GDPGP1: variants seen among roughly 807,000 people sequenced by gnomAD.
GDPGP1 encodes the protein GDP-D-glucose phosphorylase C15orf58.
In GDPGP1, 18 loss-of-function variants were observed where a neutral mutation model predicts 19.2. The observed-to-expected ratio is 0.94, with a 90% confidence interval of 0.65 to 1.39. The LOEUF (loss-of-function observed/expected upper bound fraction) is 1.39, where lower values mean the gene tolerates loss of function less well. Among genes scored for constraint, GDPGP1 ranks in the 40% most tolerant of loss-of-function variants. GDPGP1 has a pLI of 0.00. For synonymous variants in GDPGP1, 219 were observed against 208.9 expected, an observed-to-expected ratio of 1.05 and a Z score of -0.42; for missense variants, 449 against 490.5, an observed-to-expected ratio of 0.92 and a Z score of 0.80.
In GDPGP1 at chr15:90,240,696, C is replaced by T. The variant is rs186545082; in HGVS notation, c.-9-204C>T. 2.6e-4 allele frequency among the ~76,000 whole-genome samples: 39 copies of T among 152,002 alleles called. No individual in the cohort carries two copies. In the East Asian group the frequency reaches 6.4e-3, roughly 25 times the overall value. The stretch of plus-strand genomic sequence containing the variant: ...GGCATGGTGGTGCCTGCCTGTAACC[C>T]CAGCTGCCCAGGAGGCTGAGGCGGG... On this transcript the variant is annotated intron_variant, in intron 3 of 3. Coordinates refer to ENST00000329600, the MANE Select transcript of GDPGP1 (RefSeq NM_001013657.3).
At position 90,241,391 on chromosome 15, in the gene GDPGP1, C is replaced by T. The variant is rs1962753699; in HGVS notation, c.483C>T (p.Pro161=). 1.9e-6 allele frequency: 3 copies of T among 1,613,866 alleles called. No homozygotes were observed. The highest frequency in any genetic ancestry group is 1.7e-6 in the Non-Finnish European group (2 of 1,180,050). The change falls in exon 4 of 4, where the codon CCC becomes CCT. Residue 161 remains proline (P), a synonymous_variant. Transcript: ENST00000329600. The part of the protein sequence containing the change: ...EDILVVINVS[P]LEWGHVLLVP... ...TCCTGGTGGTGATCAACGTCAGCCCCCTGGAGTGGGGCCACGTGCTGCTGG... is the reference window on the plus strand; with the variant it reads ...TCCTGGTGGTGATCAACGTCAGCCCTCTGGAGTGGGGCCACGTGCTGCTGG...
At position 90,241,894 on chromosome 15, in the gene GDPGP1, A is replaced by T; in HGVS notation, c.986A>T (p.Asn329Ile). The T allele has an allele frequency of 6.2e-7, 1 of 1,614,090 alleles. No individual in the cohort carries two copies. Among genetic ancestry groups the T allele is most frequent in the African/African-American group, 1.3e-5 (1 of 75,010 alleles). ...GGGATAAAGGACGGTGAAGCTTTCA[A>T]TGTTGCCCTCTGTGAGCTGGCTGGG... ...SFGIKDGEAF[N>I]VALCELAGHL... Residue 329 changes from asparagine (N) to isoleucine (I), a missense_variant, in exon 4 of 4, where the codon AAT (asparagine) becomes ATT (isoleucine). Asn to Ile is a moderately radical substitution (Grantham distance 149). Transcript: ENST00000329600.
chr15:90,240,941 C>G lies in GDPGP1; in HGVS notation c.33C>G (p.Ser11=). The change falls in exon 4 of 4, where the codon TCC becomes TCG. Residue 11 remains serine, a synonymous_variant. Coordinates refer to ENST00000329600, the MANE Select transcript of GDPGP1 (RefSeq NM_001013657.3). MALPHDSNET[S]YLLPPNNEDW... is the part of the protein sequence containing the mutation. ...TTCCACATGATTCAAACGAAACTTC[C>G]TATTTGCTGCCTCCCAACAATGAGG... The G allele has an allele frequency of 1.2e-6, 2 of 1,614,000 alleles. No homozygotes were observed. Among genetic ancestry groups the G allele is most frequent in the South Asian group, 1.1e-5 (1 of 91,080 alleles).
chr15:90,237,067 T>C (rs1253965604), intron 2 of GDPGP1, among the ~76,000 whole-genome samples: 61 of 152,176 alleles, frequency 4.0e-4, no homozygotes, highest in East Asian at 3.9e-4. Flanking sequence ...CAAGCGATTC[T>C]CCTGCCTTAG....
At chr15:90,239,573 A>G (rs1234934918) in intron 3 of GDPGP1, among the ~76,000 whole-genome samples, 1 of 152,178 alleles carries the variant, frequency 6.6e-6, no homozygotes, top group African/African-American at 2.4e-5. Context: ...AGGAGAACTC[A>G]CTATCACGAG....
chr15:90,235,192 C>G (rs1461866991), intron 2 of GDPGP1, among the ~76,000 whole-genome samples: 5 of 152,150 alleles, frequency 3.3e-5, no homozygotes, highest in African/African-American at 1.2e-4. Context: ...CTACTTTACA[C>G]TGGAAGAATA....
intron 2 of GDPGP1, among the ~76,000 whole-genome samples, chr15:90,238,064 C>T (rs1033761276): frequency 6.6e-6 from 1 of 152,208 alleles, no homozygotes; most frequent in African/African-American, 2.4e-5. Flanking sequence ...CTTTGGGAGG[C>T]CAACGCAGGT....
Position 90,241,950 on chromosome 15 carries a change from A to G in GDPGP1, c.1042A>G (p.Ser348Gly). 6.2e-7 allele frequency: 1 copy of G among 1,614,206 alleles called. No individual in the cohort carries two copies. Among genetic ancestry groups the G allele is most frequent in the East Asian group, 2.2e-5 (1 of 44,890 alleles). The part of the protein sequence containing the change: ...HLPVKTSQDF[S>G]SLTEAAAVAL... Reference sequence around the variant, plus strand: ...CCCTGTCAAAACATCCCAGGACTTCAGCAGCCTGACAGAGGCAGCTGCTGT... The same window carrying G: ...CCCTGTCAAAACATCCCAGGACTTCGGCAGCCTGACAGAGGCAGCTGCTGT... The change falls in exon 4 of 4, where the codon AGC (serine) becomes GGC (glycine). Residue 348 changes from serine (S) to glycine (G), a missense_variant. Ser to Gly is a moderately conservative substitution (Grantham distance 56). Transcript: ENST00000329600.
rs1026310477 is a variant in GDPGP1 at position 90,245,339 on chromosome 15, G to A, written c.*3273G>A. 3 of 152,140 alleles carry A rather than the reference G, an allele frequency of 2.0e-5. No individual in the cohort carries two copies. Among genetic ancestry groups the A allele is most frequent in the African/African-American group, 7.2e-5 (3 of 41,488 alleles). The allele number at this position is 152,140 out of a possible 1,614,324, so 9.4% of individuals were successfully genotyped here. A position where few individuals can be genotyped will look rare whatever the true frequency, so the allele number is the denominator to read the frequency against. ...AAAACACAAAAATTAGCTGGGTGTG[G>A]GTGCACATCTATAGTCCCAGCTACT... On this transcript the variant is annotated 3_prime_UTR_variant, in exon 4 of 4. Coordinates refer to ENST00000329600, the MANE Select transcript of GDPGP1 (RefSeq NM_001013657.3).
At chr15:90,234,315 CT>C in intron 1 of GDPGP1, 23 bp downstream of exon 1, 1 of 164,068 alleles carries the variant, frequency 6.1e-6, no homozygotes, top group East Asian at 1.7e-4. Flanking sequence ...GGCGGCAGCC[CT>C]GGGTGGGGTC....
At chr15:90,237,533 G>A (rs762414005) in intron 2 of GDPGP1, among the ~76,000 whole-genome samples, 15 of 151,866 alleles carry the variant, frequency 9.9e-5, no homozygotes, top group Non-Finnish European at 1.9e-4. Flanking sequence ...ATTCACCTGC[G>A]TCAGCCTCCC....
rs764716501 is a variant in GDPGP1 at position 90,241,176 on chromosome 15, G to C, written c.268G>C (p.Gly90Arg). The C allele has an allele frequency of 1.2e-6, 2 of 1,614,192 alleles. No individual in the cohort carries two copies. The highest frequency in any genetic ancestry group is 1.3e-5 in the African/African-American group (1 of 75,050). ...GGAGCTACAGACCCAAATCCTCCCTGGTGCTGTGGGTTTCGTGGCTCAGCT... is the reference window on the plus strand; with the variant it reads ...GGAGCTACAGACCCAAATCCTCCCTCGTGCTGTGGGTTTCGTGGCTCAGCT... ...LRELQTQILP[G>R]AVGFVAQLNV... The change falls in exon 4 of 4, where the codon GGT becomes CGT. Residue 90 changes from glycine (G) to arginine (R), a missense_variant. Transcript: ENST00000329600.
At chr15:90,236,566 A>AC (rs1237549715) in intron 2 of GDPGP1, among the ~76,000 whole-genome samples, 1 of 151,798 alleles carries the variant, frequency 6.6e-6, no homozygotes, top group Non-Finnish European at 1.5e-5. Context: ...ATGGAGTCTC[A>AC]CTCTGTCACC....
chr15:90,237,101 G>A (rs1290975523), intron 2 of GDPGP1, among the ~76,000 whole-genome samples: 1 of 151,626 alleles, frequency 6.6e-6, no homozygotes, highest in Non-Finnish European at 1.5e-5. Flanking sequence ...TGAGATTACA[G>A]ACGCCCACTA....
chr15:90,241,597 T>G lies in GDPGP1; in HGVS notation c.689T>G (p.Val230Gly), dbSNP rs778730567. ...TATTACCTGGCCCACAGACTGCCCGTGGAGCAGGCGCCAAGCGAGCCCCTG... is the reference window on the plus strand; with the variant it reads ...TATTACCTGGCCCACAGACTGCCCGGGGAGCAGGCGCCAAGCGAGCCCCTG... ...HGYYLAHRLP[V>G]EQAPSEPLDP... is the part of the protein sequence containing the mutation. The change falls in exon 4 of 4, where the codon GTG becomes GGG. Residue 230 changes from valine (V) to glycine (G), a missense_variant. By Grantham distance (109) the Val-to-Gly change is moderately radical (BLOSUM62 -3). Coordinates refer to ENST00000329600, the MANE Select transcript of GDPGP1 (RefSeq NM_001013657.3). The G allele has an allele frequency of 6.2e-7, 1 of 1,613,794 alleles. No homozygotes were observed. The highest frequency in any genetic ancestry group is 8.5e-7 in the Non-Finnish European group (1 of 1,180,036).
Position 90,244,911 on chromosome 15 carries a change from G to A in GDPGP1, c.*2845G>A, listed in dbSNP as rs1350259223. On this transcript the variant is annotated 3_prime_UTR_variant, in exon 4 of 4. Coordinates refer to ENST00000329600, the MANE Select transcript of GDPGP1 (RefSeq NM_001013657.3). The stretch of plus-strand genomic sequence containing the variant: ...CATCAAACATCCTGAAGGAATGAGA[G>A]TCCCTGTTCACAGCGTAAGGGTGAA... 2 of 152,192 alleles carry A rather than the reference G, an allele frequency of 1.3e-5. No homozygotes were observed. Among genetic ancestry groups the A allele is most frequent in the African/African-American group, 4.8e-5 (2 of 41,432 alleles). The allele number at this position is 152,192 out of a possible 1,614,324, so 9.4% of individuals were successfully genotyped here. A position where few individuals can be genotyped will look rare whatever the true frequency, so the allele number is the denominator to read the frequency against.
In GDPGP1 at chr15:90,241,034, G is replaced by A. The variant is rs759641664; in HGVS notation, c.126G>A (p.Gln42=). The change falls in exon 4 of 4, where the codon CAG becomes CAA. Residue 42 remains glutamine, a synonymous_variant. Coordinates refer to ENST00000329600, the MANE Select transcript of GDPGP1 (RefSeq NM_001013657.3). The stretch of plus-strand genomic sequence containing the variant: ...AGGATCTCATGGCAGAAGGGATTCA[G>A]TGGCCAAGGAATGCACCTGGCATCC... ...GQKDLMAEGI[Q]WPRNAPGIPD... is the part of the protein sequence containing the mutation. The A allele has an allele frequency of 8.7e-6, 14 of 1,614,038 alleles. No homozygotes were observed. Among genetic ancestry groups the A allele is most frequent in the Admixed American group, 1.7e-5 (1 of 59,996 alleles).
Position 90,240,978 on chromosome 15 carries a change from C to G in GDPGP1, c.70C>G (p.Gln24Glu), listed in dbSNP as rs1483021823. 3 of 1,613,918 alleles carry G rather than the reference C, an allele frequency of 1.9e-6. No individual in the cohort carries two copies. Among genetic ancestry groups the G allele is most frequent in the Admixed American group, 1.7e-5 (1 of 59,988 alleles). ...TCCCAACAATGAGGACTGGGGCAGG[C>G]AAACCATTCCTGACTTTGTTTATGG... ...LPPNNEDWGR[Q>E]TIPDFVYGQK... Residue 24 changes from glutamine to glutamate, a missense_variant, in exon 4 of 4, where the codon CAA becomes GAA. Coordinates refer to ENST00000329600, the MANE Select transcript of GDPGP1 (RefSeq NM_001013657.3).
chr15:90,240,898 A>C lies in GDPGP1; in HGVS notation c.-9-2A>C. Reference sequence around the variant, plus strand: ...TGTTTTCATCTTTTATGACTATTTCAGGTCAGCTCTATGGCTCTTCCACAT... The same window carrying C: ...TGTTTTCATCTTTTATGACTATTTCCGGTCAGCTCTATGGCTCTTCCACAT... On this transcript the variant is annotated splice_acceptor_variant, in intron 3 of 3. Transcript: ENST00000329600. LOFTEE classifies it low-confidence loss of function (5UTR_SPLICE). The C allele has an allele frequency of 6.3e-7, 1 of 1,594,220 alleles. No homozygotes were observed. The highest frequency in any genetic ancestry group is 2.2e-5 in the East Asian group (1 of 44,680).
Sources: gnomAD v4.1 joint callset for allele counts (sites outside exome capture counted in the v4.1 genomes callset) on GRCh38, gnomAD v4.1.1 for gene constraint, MANE v1.5 for transcripts, NCBI Gene and HGNC (gene_info 2026-07-23, HGNC 2026-07-21) for gene names.